The following B3GALT1 variants were observed in gnomAD, a reference collection of about 807,000 sequenced individuals.
B3GALT1 encodes the protein UDP-Gal:betaGlcNAc beta 1,3-galactosyltransferase, polypeptide 1.
A neutral mutation model predicts 23.2 loss-of-function variants in B3GALT1; 10 were observed. The ratio of observed to expected loss-of-function variants is 0.43; its 90% CI spans 0.27 to 0.73. B3GALT1 has a LOEUF of 0.73. Ranked by LOEUF, B3GALT1 falls within the 30% of genes least tolerant of loss-of-function variation. The probability of loss-of-function intolerance (pLI) is 0.21; values close to 1 mark genes in which losing one functional copy is unlikely to be tolerated. For missense variants in B3GALT1, 299 were observed against 405.4 expected (o/e 0.74, Z 2.25); for synonymous variants, 156 against 141.5 (o/e 1.10, Z -0.73).
intron 3 of B3GALT1, among the ~76,000 whole-genome samples, chr2:167,794,377 A>G (rs1285121795): frequency 6.6e-6 from 1 of 152,182 alleles, no homozygotes; most frequent in East Asian, 1.9e-4. Context: ...TCAGGAAGTA[A>G]AAGAATAAAA....
intron 2 of B3GALT1, among the ~76,000 whole-genome samples, chr2:167,537,586 TAA>T (rs1444631106): frequency 1.3e-5 from 2 of 152,086 alleles, no homozygotes; most frequent in African/African-American, 2.4e-5. Context: ...AAGCCAAACA[TAA>T]GAGTCATTCT....
chr2:167,445,672 C>G (rs901803717), intron 1 of B3GALT1, among the ~76,000 whole-genome samples: 2 of 152,148 alleles, frequency 1.3e-5, no homozygotes, highest in African/African-American at 4.8e-5. Context: ...TTATCAGACA[C>G]TAGGATTGGA....
chr2:167,503,683 A>G (rs1699878893), intron 2 of B3GALT1, among the ~76,000 whole-genome samples: 2 of 152,116 alleles, frequency 1.3e-5, no homozygotes, highest in Admixed American at 6.5e-5. Flanking sequence ...TGAACAGCTT[A>G]TTCATTCTTC....
At position 167,714,522 on chromosome 2, in the gene B3GALT1, C is replaced by G. The variant is rs555417087; in HGVS notation, c.-352+67556C>G. 107 of 1,612,206 alleles carry G rather than the reference C, an allele frequency of 6.6e-5. No individual in the cohort carries two copies. The African/African-American group carries it at 1.1e-3, about 16-fold the overall frequency. On this transcript the variant is annotated intron_variant, in intron 3 of 4. Coordinates refer to ENST00000392690, the MANE Select transcript of B3GALT1 (RefSeq NM_020981.4). ...GGTGAGGGACCATATGGCGAACGCT[C>G]TCTGCCAAATGTTGTATTTGAAACA...
At chr2:167,390,777 G>GCATT (rs1698005947) in intron 1 of B3GALT1, among the ~76,000 whole-genome samples, 1 of 141,394 alleles carries the variant, frequency 7.1e-6, no homozygotes. Context: ...AGCAGGTAAA[G>GCATT]CATTTAGTAA....
At position 167,383,676 on chromosome 2, in the gene B3GALT1, CAA is replaced by C. The variant is rs532411314; in HGVS notation, c.-511+90343_-511+90344del. Among the ~76,000 whole-genome samples the C allele has an allele frequency of 8.5e-5, 13 of 152,304 alleles. No individual in the cohort carries two copies. In the East Asian group the frequency reaches 2.5e-3, roughly 29 times the overall value. Reference sequence around the variant, plus strand: ...GAAATTATGAAACATTATGAATGCTCAATAATTTTTTAAGCAAATGCATGAGT... The same window carrying C: ...GAAATTATGAAACATTATGAATGCTCTAATTTTTTAAGCAAATGCATGAGT... On this transcript the variant is annotated intron_variant, in intron 1 of 4. Coordinates refer to ENST00000392690, the MANE Select transcript of B3GALT1 (RefSeq NM_020981.4).
At chr2:167,721,688 AAAG>A (rs1193569055) in intron 3 of B3GALT1, among the ~76,000 whole-genome samples, 1 of 152,218 alleles carries the variant, frequency 6.6e-6, no homozygotes, top group African/African-American at 2.4e-5. Flanking sequence ...CCAACTCAGA[AAAG>A]AAGAAGAAAT....
At chr2:167,809,478 G>C (rs1046819897) in intron 3 of B3GALT1, among the ~76,000 whole-genome samples, 3 of 152,088 alleles carry the variant, frequency 2.0e-5, no homozygotes, top group African/African-American at 7.2e-5. Context: ...GATGTCCTTT[G>C]TGTTTGTTAG....
chr2:167,541,298 C>A (rs529939347), intron 2 of B3GALT1, among the ~76,000 whole-genome samples: 1 of 152,248 alleles, frequency 6.6e-6, no homozygotes, highest in South Asian at 2.1e-4. Context: ...GTATTTCTTT[C>A]ATTTCTATTC....
At chr2:167,658,787 A>G (rs1340321999) in intron 3 of B3GALT1, among the ~76,000 whole-genome samples, 1 of 152,116 alleles carries the variant, frequency 6.6e-6, no homozygotes, top group African/African-American at 2.4e-5. Context: ...ATTATAGTGT[A>G]CAATATGACA....
intron 4 of B3GALT1, among the ~76,000 whole-genome samples, chr2:167,855,074 C>A (rs543352072): frequency 2.0e-5 from 3 of 152,176 alleles, no homozygotes; most frequent in Admixed American, 6.5e-5. Context: ...GGGATGAATT[C>A]TTCATCCTCT....
intron 2 of B3GALT1, among the ~76,000 whole-genome samples, chr2:167,523,458 T>C (rs868840938): frequency 2.0e-5 from 3 of 150,376 alleles, no homozygotes; most frequent in South Asian, 4.2e-4. Flanking sequence ...GAGTTTTTGC[T>C]CCTGTCACCC....
chr2:167,773,293 T>C (rs1392205739), intron 3 of B3GALT1, among the ~76,000 whole-genome samples: 1 of 152,190 alleles, frequency 6.6e-6, no homozygotes, highest in East Asian at 1.9e-4. Context: ...TATATATGTA[T>C]GTATATACAT....
intron 2 of B3GALT1, among the ~76,000 whole-genome samples, chr2:167,584,985 A>T (rs1306624687): frequency 6.6e-6 from 1 of 152,110 alleles, no homozygotes; most frequent in Non-Finnish European, 1.5e-5. Context: ...CCCCCGTCTC[A>T]TCCCCAGGGG....
At chr2:167,786,718 A>G (rs1360598340) in intron 3 of B3GALT1, among the ~76,000 whole-genome samples, 1 of 152,204 alleles carries the variant, frequency 6.6e-6, no homozygotes, top group Admixed American at 6.5e-5. Context: ...AGTATCTACT[A>G]GTATTTCTTT....
Position 167,321,355 on chromosome 2 carries a change from T to C in B3GALT1, c.-511+28021T>C, listed in dbSNP as rs981905240. 4.6e-5 allele frequency among the ~76,000 whole-genome samples: 7 copies of C among 152,126 alleles called. No homozygotes were observed. The East Asian group carries it at 1.3e-3, about 29-fold the overall frequency. On this transcript the variant is annotated intron_variant, in intron 1 of 4. Coordinates refer to ENST00000392690, the MANE Select transcript of B3GALT1 (RefSeq NM_020981.4). ...CATATATAAAATTATTGGTTTAGTA[T>C]GCCAACTGTTAGACTGATTGTTTTA...
chr2:167,463,513 T>C (rs1427150712), intron 1 of B3GALT1, among the ~76,000 whole-genome samples: 1 of 152,140 alleles, frequency 6.6e-6, no homozygotes, highest in Non-Finnish European at 1.5e-5. Flanking sequence ...TATCCTGTGA[T>C]CGCATGGGTT....
chr2:167,551,758 C>G (rs781295316), intron 2 of B3GALT1, among the ~76,000 whole-genome samples: 3 of 151,914 alleles, frequency 2.0e-5, no homozygotes. Context: ...ACAGAGGCAC[C>G]ATATGGGGTA....
At chr2:167,424,090 A>G (rs926196398) in intron 1 of B3GALT1, among the ~76,000 whole-genome samples, 6 of 152,226 alleles carry the variant, frequency 3.9e-5, no homozygotes, top group South Asian at 2.1e-4. Context: ...AGCAGATTCA[A>G]CGTCTCTAAT....
Sources: gnomAD v4.1 joint callset for allele counts (sites outside exome capture counted in the v4.1 genomes callset) on GRCh38, gnomAD v4.1.1 for gene constraint, MANE v1.5 for transcripts, NCBI Gene and HGNC (gene_info 2026-07-23, HGNC 2026-07-21) for gene names.